Variants in ATRNL1 observed in about 807,000 individuals in gnomAD.
ATRNL1 encodes attractin like 1.
ATRNL1 carries 95 observed loss-of-function variants against 182.7 expected under a neutral mutation model. The ratio of observed to expected loss-of-function variants is 0.52; its 90% CI spans 0.44 to 0.62. ATRNL1 has a LOEUF of 0.62. Ranked by LOEUF, ATRNL1 falls within the 20% of genes least tolerant of loss-of-function variation. The pLI, the probability that ATRNL1 is intolerant of heterozygous loss-of-function variation, is 0.00. For synonymous variants in ATRNL1, 576 were observed against 568.3 expected, an observed-to-expected ratio of 1.01 and a Z score of -0.19; for missense variants, 1,471 against 1,679.5, an observed-to-expected ratio of 0.88 and a Z score of 2.17.
intron 27 of ATRNL1, among the ~76,000 whole-genome samples, chr10:115,832,573 C>G (rs1461708381): frequency 6.6e-6 from 1 of 152,140 alleles, no homozygotes; most frequent in Non-Finnish European, 1.5e-5. Flanking sequence ...GTCATTACTT[C>G]CAGATGCTAG....
chr10:115,766,951 A>C (rs1220670360), intron 27 of ATRNL1, among the ~76,000 whole-genome samples: 5 of 152,314 alleles, frequency 3.3e-5, no homozygotes, highest in African/African-American at 1.2e-4. Flanking sequence ...TACTCATCTG[A>C]AAATTGTGGA....
intron 8 of ATRNL1, among the ~76,000 whole-genome samples, chr10:115,185,445 T>G (rs140954258): frequency 6.6e-6 from 1 of 152,132 alleles, no homozygotes; most frequent in East Asian, 1.9e-4. Context: ...GGGATCCCAT[T>G]GGTAAAACAT....
chr10:115,619,115 G>A (rs1236571495), intron 26 of ATRNL1, among the ~76,000 whole-genome samples: 2 of 152,156 alleles, frequency 1.3e-5, no homozygotes, highest in African/African-American at 4.8e-5. Flanking sequence ...TGTTCCTCAC[G>A]GTTTAGGTTG....
chr10:115,854,253 G>T (rs1404699058), intron 28 of ATRNL1, among the ~76,000 whole-genome samples: 1 of 152,154 alleles, frequency 6.6e-6, no homozygotes. Flanking sequence ...TCATTAAAAT[G>T]CCCTTTCCTC....
chr10:115,388,550 C>A (rs685328), intron 19 of ATRNL1, among the ~76,000 whole-genome samples: 57,886 of 151,772 alleles, frequency 0.38, 12,225 homozygotes, highest in African/African-American at 0.57. Context: ...TCTACTTTAG[C>A]GCATGTAGTT....
At chr10:115,632,062 C>A (rs1858546327) in intron 26 of ATRNL1, among the ~76,000 whole-genome samples, 1 of 152,096 alleles carries the variant, frequency 6.6e-6, no homozygotes, top group African/African-American at 2.4e-5. Flanking sequence ...TTTAGTTATG[C>A]ATCCTTGTAC....
At chr10:115,582,357 A>G (rs1441247481) in intron 26 of ATRNL1, among the ~76,000 whole-genome samples, 1 of 142,584 alleles carries the variant, frequency 7.0e-6, no homozygotes, top group Non-Finnish European at 1.5e-5. Context: ...TTACAGTCCC[A>G]CCAACAGTGT....
At chr10:115,598,975 T>C (rs1469210649) in intron 26 of ATRNL1, among the ~76,000 whole-genome samples, 3 of 152,214 alleles carry the variant, frequency 2.0e-5, no homozygotes, top group African/African-American at 7.2e-5. Flanking sequence ...TTGAAGTTGG[T>C]TTAAATATTT....
At chr10:115,778,339 C>G (rs1478308131) in intron 27 of ATRNL1, among the ~76,000 whole-genome samples, 2 of 151,702 alleles carry the variant, frequency 1.3e-5, no homozygotes, top group Non-Finnish European at 2.9e-5. Flanking sequence ...GGAAAAAAAA[C>G]TGTAATATAG....
chr10:115,597,568 CTTTTTTTT>C (rs71010036), intron 26 of ATRNL1: 52 of 252,914 alleles, frequency 2.1e-4, no homozygotes, highest in Non-Finnish European at 2.3e-4. Flanking sequence ...TTTATGGGAG[CTTTTTTTT>C]TTTTTTTTTT....
chr10:115,676,931 T>G (rs1381630421), intron 26 of ATRNL1, among the ~76,000 whole-genome samples: 1 of 152,078 alleles, frequency 6.6e-6, no homozygotes, highest in Non-Finnish European at 1.5e-5. Flanking sequence ...GACCAATGTC[T>G]CAGTTAAAGA....
intron 28 of ATRNL1, among the ~76,000 whole-genome samples, chr10:115,848,293 GGGCCACCAT>G (rs1247514480): frequency 1.3e-5 from 2 of 152,110 alleles, no homozygotes; most frequent in Non-Finnish European, 2.9e-5. Flanking sequence ...CTCATTAGAA[GGGCCACCAT>G]GTTCTAGACC....
intron 10 of ATRNL1, among the ~76,000 whole-genome samples, chr10:115,248,591 G>A (rs989156561): frequency 4.6e-5 from 7 of 151,744 alleles, no homozygotes; most frequent in Non-Finnish European, 5.9e-5. Flanking sequence ...AAATAATTTC[G>A]CCTACTTTGC....
chr10:115,711,280 C>T (rs528633545), intron 26 of ATRNL1, among the ~76,000 whole-genome samples: 2 of 152,074 alleles, frequency 1.3e-5, no homozygotes, highest in Non-Finnish European at 2.9e-5. Flanking sequence ...TATGCTGCCT[C>T]CTGTGGGTAG....
At chr10:115,171,648 T>G (rs1223743248) in intron 8 of ATRNL1, among the ~76,000 whole-genome samples, 4 of 152,036 alleles carry the variant, frequency 2.6e-5, no homozygotes, top group Non-Finnish European at 4.4e-5. Context: ...TTGCATGGTT[T>G]CAGGATTTTT....
At chr10:115,878,956 T>A (rs1297794037) in intron 28 of ATRNL1, among the ~76,000 whole-genome samples, 1 of 152,000 alleles carries the variant, frequency 6.6e-6, no homozygotes, top group African/African-American at 2.4e-5. Context: ...ATAAAAATAG[T>A]ATGAGGAAGA....
intron 26 of ATRNL1, among the ~76,000 whole-genome samples, chr10:115,587,631 T>C (rs1293329771): frequency 6.6e-6 from 1 of 151,914 alleles, no homozygotes; most frequent in Middle Eastern, 3.2e-3. Context: ...GCATGGTGCG[T>C]GCACCCACTG....
At chr10:115,443,802 C>G (rs184942356) in intron 21 of ATRNL1, among the ~76,000 whole-genome samples, 4 of 152,128 alleles carry the variant, frequency 2.6e-5, no homozygotes, top group Admixed American at 2.6e-4. Flanking sequence ...GCTACACATT[C>G]TGTATTTATC....
intron 18 of ATRNL1, among the ~76,000 whole-genome samples, chr10:115,327,847 A>G (rs1211847996): frequency 6.6e-6 from 1 of 151,920 alleles, no homozygotes; most frequent in Admixed American, 6.6e-5. Context: ...AAAAAACCAA[A>G]CACCGCATAT....
Sources: allele counts gnomAD v4.1 joint callset (sites outside exome capture counted in the v4.1 genomes callset), GRCh38; gene constraint gnomAD v4.1.1; transcripts MANE v1.5; gene names NCBI Gene and HGNC (gene_info 2026-07-23, HGNC 2026-07-21).